Variants in TOX2 observed in about 807,000 individuals in gnomAD.
TOX2 encodes granulosa cell HMG box 1.
In TOX2, 15 loss-of-function variants were observed where a neutral mutation model predicts 47.4. The ratio of observed to expected loss-of-function variants is 0.32; its 90% CI spans 0.21 to 0.49. The LOEUF is 0.49. Among genes scored for constraint, TOX2 ranks in the 20% least tolerant of loss-of-function variants. The pLI is 0.99. For missense variants in TOX2, 622 were observed against 673.1 expected, an observed-to-expected ratio of 0.92 and a Z score of 0.84; for synonymous variants, 290 against 296.6, an observed-to-expected ratio of 0.98 and a Z score of 0.23.
At chr20:43,936,637 CT>C (rs1458492788) in intron 1 of TOX2, among the ~76,000 whole-genome samples, 1 of 152,180 alleles carries the variant, frequency 6.6e-6, no homozygotes, top group Non-Finnish European at 1.5e-5. Context: ...ACCTCCTGTC[CT>C]CCAGCAGGCT....
At chr20:43,974,456 G>C (rs1221231093) in intron 2 of TOX2, among the ~76,000 whole-genome samples, 1 of 152,214 alleles carries the variant, frequency 6.6e-6, no homozygotes, top group Non-Finnish European at 1.5e-5. Context: ...AGGCAGTGGT[G>C]CTTGCTGGGT....
chr20:44,038,596 ACCTTT>A (rs1315213171), intron 3 of TOX2, among the ~76,000 whole-genome samples: 2 of 151,922 alleles, frequency 1.3e-5, no homozygotes, highest in East Asian at 3.9e-4. Flanking sequence ...AAAAAATTCC[ACCTTT>A]CCAGGCTGAA....
chr20:44,022,314 T>TG (rs2070988964), intron 3 of TOX2, among the ~76,000 whole-genome samples: 1 of 152,178 alleles, frequency 6.6e-6, no homozygotes, highest in Admixed American at 6.5e-5. Context: ...GTGTTTTTTT[T>TG]TGTGTGTGTA....
At chr20:44,033,610 C>G (rs1178587476) in intron 3 of TOX2, among the ~76,000 whole-genome samples, 2 of 151,814 alleles carry the variant, frequency 1.3e-5, no homozygotes, top group African/African-American at 4.8e-5. Context: ...GCTGATGAAA[C>G]CACAGAAGCA....
chr20:43,958,423 T>C (rs2069702356), intron 1 of TOX2, among the ~76,000 whole-genome samples: 1 of 152,130 alleles, frequency 6.6e-6, no homozygotes, highest in East Asian at 1.9e-4. Context: ...CACATACCGG[T>C]TTTCCCCCAA....
chr20:43,924,338 C>T (rs1298797874), intron 1 of TOX2, among the ~76,000 whole-genome samples: 1 of 151,594 alleles, frequency 6.6e-6, no homozygotes, highest in African/African-American at 2.4e-5. Flanking sequence ...CAAGGGAAGA[C>T]AAATGGTAAT....
intron 8 of TOX2, 125 bp downstream of exon 8, chr20:44,066,982 C>T: frequency 7.4e-7 from 1 of 1,355,902 alleles, no homozygotes; most frequent in Non-Finnish European, 9.9e-7. Flanking sequence ...ACTGTCAGCC[C>T]TGCTGAGGGG....
At chr20:44,039,130 G>C in intron 3 of TOX2, 1 of 1,261,432 alleles carries the variant, frequency 7.9e-7, no homozygotes, top group South Asian at 1.2e-5. Flanking sequence ...CAGATGCCGG[G>C]AGGCAACGTG....
intron 3 of TOX2, among the ~76,000 whole-genome samples, chr20:44,022,144 G>A (rs911602035): frequency 2.0e-5 from 3 of 152,170 alleles, no homozygotes; most frequent in Admixed American, 6.5e-5. Flanking sequence ...CCCCTTAACC[G>A]GGACTCTCCT....
At chr20:43,952,637 G>A (rs1022064872) in intron 1 of TOX2, among the ~76,000 whole-genome samples, 2 of 152,120 alleles carry the variant, frequency 1.3e-5, no homozygotes, top group African/African-American at 4.8e-5. Context: ...TAAACTAGAC[G>A]CATAGCTCCA....
intron 3 of TOX2, among the ~76,000 whole-genome samples, chr20:44,040,789 G>A (rs1003733572): frequency 6.6e-6 from 1 of 152,160 alleles, no homozygotes; most frequent in African/African-American, 2.4e-5. Flanking sequence ...GTCGCTGGTG[G>A]GGGGAGTGGC....
chr20:43,964,368 T>C (rs190684748), intron 1 of TOX2, among the ~76,000 whole-genome samples: 81 of 152,310 alleles, frequency 5.3e-4, no homozygotes, highest in Middle Eastern at 3.4e-3. Flanking sequence ...CCATGAGACT[T>C]CCACATAAAA....
chr20:44,054,330 C>G lies in TOX2; in HGVS notation c.683C>G (p.Pro228Arg). The part of the protein sequence containing the change: ...ISGEKRPSAD[P>R]GKKAKNPKKK... Reference sequence around the variant, plus strand: ...GGAGAAAAGAGACCTTCAGCCGACCCAGGAAAAAAGGCCAAGAACCCGAAG... The same window carrying G: ...GGAGAAAAGAGACCTTCAGCCGACCGAGGAAAAAAGGCCAAGAACCCGAAG... Residue 228 changes from proline to arginine, a missense_variant, in exon 5 of 9, where the codon CCA (proline) becomes CGA (arginine). Coordinates refer to ENST00000341197, the MANE Select transcript of TOX2 (RefSeq NM_001098797.2). 6.2e-7 allele frequency: 1 copy of G among 1,611,806 alleles called. No homozygotes were observed. Among genetic ancestry groups the G allele is most frequent in the Non-Finnish European group, 8.5e-7 (1 of 1,179,150 alleles).
At chr20:44,046,457 G>C (rs2071409504) in intron 3 of TOX2, among the ~76,000 whole-genome samples, 2 of 152,178 alleles carry the variant, frequency 1.3e-5, no homozygotes, top group Non-Finnish European at 2.9e-5. Flanking sequence ...TGGAATTCTG[G>C]ATGTCTACTC....
chr20:44,057,491 G>A (rs1051774058), intron 5 of TOX2, among the ~76,000 whole-genome samples: 4 of 152,104 alleles, frequency 2.6e-5, no homozygotes, highest in African/African-American at 4.8e-5. Context: ...GAAAATAATA[G>A]GAAATAAAAA....
At chr20:44,057,809 C>T (rs1052169716) in intron 5 of TOX2, among the ~76,000 whole-genome samples, 1 of 152,208 alleles carries the variant, frequency 6.6e-6, no homozygotes, top group Non-Finnish European at 1.5e-5. Context: ...TGGCTGGGCT[C>T]ACCCATTTGC....
At chr20:43,971,507 G>T (rs536534524) in intron 1 of TOX2, among the ~76,000 whole-genome samples, 1 of 152,210 alleles carries the variant, frequency 6.6e-6, no homozygotes, top group East Asian at 1.9e-4. Flanking sequence ...GGTTGTGGGC[G>T]TGTGGATTTC....
intron 1 of TOX2, among the ~76,000 whole-genome samples, chr20:43,947,343 A>G (rs946088867): frequency 5.9e-5 from 9 of 152,214 alleles, no homozygotes; most frequent in Non-Finnish European, 1.3e-4. Context: ...TCATGTGTAT[A>G]TGTATGCACA....
At chr20:43,931,873 G>A (rs1196337428) in intron 1 of TOX2, among the ~76,000 whole-genome samples, 2 of 152,174 alleles carry the variant, frequency 1.3e-5, no homozygotes, top group Non-Finnish European at 2.9e-5. Flanking sequence ...ATTCACACTA[G>A]CCATATTTCG....
Sources: gnomAD v4.1 joint callset for allele counts (sites outside exome capture counted in the v4.1 genomes callset) on GRCh38, gnomAD v4.1.1 for gene constraint, MANE v1.5 for transcripts, NCBI Gene and HGNC (gene_info 2026-07-23, HGNC 2026-07-21) for gene names.